The following MTMR11 variants were observed in gnomAD, a reference collection of about 807,000 sequenced individuals.
The protein encoded by MTMR11 is myotubularin related protein 11.
MTMR11 carries 89 observed loss-of-function variants against 100.0 expected under a neutral mutation model. The ratio of observed to expected loss-of-function variants is 0.89; its 90% CI spans 0.75 to 1.06. MTMR11 has a LOEUF of 1.06. MTMR11 is among the 50% of genes least tolerant of loss of function. The pLI is 0.00. For missense variants in MTMR11, 809 were observed against 873.7 expected, an observed-to-expected ratio of 0.93 and a Z score of 0.93; for synonymous variants, 336 against 326.3, an observed-to-expected ratio of 1.03 and a Z score of -0.32.
Position 149,928,985 on chromosome 1 carries a change from G to A in MTMR11, c.*144C>T. ...AAGCAAAAATATTTGTAGAAACTAA[G>A]CAAGACAAGAGTTGGAGCAGTTAAC... On this transcript the variant is annotated 3_prime_UTR_variant, in exon 17 of 17. Coordinates refer to ENST00000439741, the MANE Select transcript of MTMR11 (RefSeq NM_001145862.2). 2 of 1,610,452 alleles carry A rather than the reference G, an allele frequency of 1.2e-6. No homozygotes were observed. Among genetic ancestry groups the A allele is most frequent in the Non-Finnish European group, 1.7e-6 (2 of 1,178,238 alleles).
chr1:149,933,265 T>C (rs1040535052), intron 10 of MTMR11, 141 bp downstream of exon 10: 1 of 1,264,262 alleles, frequency 7.9e-7, no homozygotes, highest in Non-Finnish European at 1.1e-6. Flanking sequence ...CGAGACTCCG[T>C]CTCAAGAAAA....
In MTMR11 at chr1:149,928,654, G is replaced by A. The variant is rs2092612555; in HGVS notation, c.*475C>T. The stretch of plus-strand genomic sequence containing the variant: ...ACACAAGAAACAATGCCAGCAATGT[G>A]TATAAATACTATGCTTTAATGAGCC... On this transcript the variant is annotated 3_prime_UTR_variant, in exon 17 of 17. Transcript: ENST00000439741. 2 of 590,914 alleles carry A rather than the reference G, an allele frequency of 3.4e-6. No individual in the cohort carries two copies. Among genetic ancestry groups the A allele is most frequent in the African/African-American group, 3.7e-5 (2 of 53,806 alleles). 36.6% of individuals were successfully genotyped at this position (590,914 alleles called of 1,614,324 possible). A position where few individuals can be genotyped will look rare whatever the true frequency, so the allele number is the denominator to read the frequency against.
In MTMR11 at chr1:149,930,480, A is replaced by G. The variant is rs1553767281; in HGVS notation, c.1532T>C (p.Leu511Pro). Residue 511 changes from leucine to proline, a missense_variant, in exon 15 of 17, where the codon CTG becomes CCG. Coordinates refer to ENST00000439741, the MANE Select transcript of MTMR11 (RefSeq NM_001145862.2). ...SQPPAGNSFN[L>P]QLSVWDWDLR... Reference sequence around the variant, plus strand: ...ATCCCAGTCCCAGACAGACAGCTGCAGGTTAAAAGAGTTCCCAGCTGGAGG... The same window carrying G: ...ATCCCAGTCCCAGACAGACAGCTGCGGGTTAAAAGAGTTCCCAGCTGGAGG... 1 of 1,614,110 alleles carries G rather than the reference A, an allele frequency of 6.2e-7. No individual in the cohort carries two copies. The highest frequency in any genetic ancestry group is 1.1e-5 in the South Asian group (1 of 91,076).
At chr1:149,935,762 G>A (rs1402832155) in intron 2 of MTMR11, 57 bp from the exon 3 acceptor site, 6 of 1,512,642 alleles carry the variant, frequency 4.0e-6, no homozygotes, top group Admixed American at 2.1e-5. Context: ...CCCACACTTG[G>A]ATACACCCAC....
chr1:149,929,555 G>C lies in MTMR11; in HGVS notation c.1941+68C>G, dbSNP rs1553766908. On this transcript the variant is annotated intron_variant, in intron 16 of 16. Coordinates refer to ENST00000439741, the MANE Select transcript of MTMR11 (RefSeq NM_001145862.2). ...GAGGCTTCAGCTCCTTGCCTTTCCAGCTCCTGTTCATCTGGTTCAGCAGAG... is the reference window on the plus strand; with the variant it reads ...GAGGCTTCAGCTCCTTGCCTTTCCACCTCCTGTTCATCTGGTTCAGCAGAG... 3 of 1,517,788 alleles carry C rather than the reference G, an allele frequency of 2.0e-6. No homozygotes were observed. The African/African-American group carries it at 4.2e-5, about 21-fold the overall frequency. The allele number at this position is 1,517,788 out of a possible 1,614,324, so 94.0% of individuals were successfully genotyped here. A position where few individuals can be genotyped will look rare whatever the true frequency, so the allele number is the denominator to read the frequency against.
Position 149,936,721 on chromosome 1 carries a change from G to A in MTMR11, c.-74C>T, listed in dbSNP as rs3738321. ...AGGATGCTCACCCACCTCGGGGAGA[G>A]GCTGAGTCTTGTTGAGAAGAGGGGT... On this transcript the variant is annotated 5_prime_UTR_variant, in exon 1 of 17. Coordinates refer to ENST00000439741, the MANE Select transcript of MTMR11 (RefSeq NM_001145862.2). 5.1e-3 allele frequency: 5,158 copies of A among 1,012,144 alleles called. 209 individuals are homozygous for A. The Admixed American group carries it at 0.083, about 16-fold the overall frequency. 62.7% of individuals were successfully genotyped at this position (1,012,144 alleles called of 1,614,324 possible).
chr1:149,934,121 A>G lies in MTMR11; in HGVS notation c.683+70T>C. On this transcript the variant is annotated intron_variant, in intron 7 of 16. Transcript: ENST00000439741. The stretch of plus-strand genomic sequence containing the variant: ...GAGGCTGGAGTTTGTGGGAAGTCCT[A>G]GCTTTAGAGGATCAAGGAACTAAGG... 2.5e-6 allele frequency: 4 copies of G among 1,603,884 alleles called. No individual in the cohort carries two copies. The South Asian group carries it at 4.4e-5, about 18-fold the overall frequency.
At chr1:149,929,963 CTA>C in intron 15 of MTMR11, 47 bp from the exon 16 acceptor site, 2 of 1,562,502 alleles carry the variant, frequency 1.3e-6, no homozygotes, top group South Asian at 2.4e-5. Context: ...CCAGATAACC[CTA>C]GTTTCCCCAA....
rs1464236709 is a variant in MTMR11, at chr1:149,929,009, A to C, written c.*120T>G. The C allele has an allele frequency of 6.2e-7, 1 of 1,606,262 alleles. No homozygotes were observed. Among genetic ancestry groups the C allele is most frequent in the African/African-American group, 1.3e-5 (1 of 74,600 alleles). On this transcript the variant is annotated 3_prime_UTR_variant, in exon 17 of 17. Coordinates refer to ENST00000439741, the MANE Select transcript of MTMR11 (RefSeq NM_001145862.2). ...AGCAAGACAAGAGTTGGAGCAGTTA[A>C]CACCACTATCTGCAGCAGAAACTCA...
chr1:149,931,842 G>T, intron 12 of MTMR11, 102 bp downstream of exon 12: 1 of 1,031,610 alleles, frequency 9.7e-7, no homozygotes, highest in South Asian at 1.4e-5. Context: ...CCCAGGAACA[G>T]GAGAGGAAGA....
chr1:149,929,093 CAAA>C lies in MTMR11; in HGVS notation c.*33_*35del, dbSNP rs78362386. The C allele has an allele frequency of 4.9e-4, 693 of 1,418,470 alleles. No individual in the cohort carries two copies. Among genetic ancestry groups the C allele is most frequent in the South Asian group, 1.8e-3 (129 of 71,478 alleles). 87.9% of individuals were successfully genotyped at this position (1,418,470 alleles called of 1,614,324 possible). On this transcript the variant is annotated 3_prime_UTR_variant, in exon 17 of 17. Transcript: ENST00000439741. ...AAAGCTGAGGCTGCAAGTGCAGATACAAAAAAAAAAAAAAAAGATTAGACAGAA... is the reference window on the plus strand; with the variant it reads ...AAAGCTGAGGCTGCAAGTGCAGATACAAAAAAAAAAAAAGATTAGACAGAA...
intron 1 of MTMR11, 130 bp downstream of exon 1, chr1:149,936,452 C>T: frequency 2.2e-6 from 3 of 1,363,448 alleles, no homozygotes; most frequent in Non-Finnish European, 3.0e-6. Context: ...GGACCAGGCT[C>T]CATCAGCAGA....
At chr1:149,933,793 AC>A (rs1409998174) in intron 8 of MTMR11, 61 bp downstream of exon 8, 3 of 1,606,798 alleles carry the variant, frequency 1.9e-6, no homozygotes, top group Non-Finnish European at 2.6e-6. Context: ...TCCTCCCTCC[AC>A]GATGTCCCTG....
rs1553767398 is a variant in MTMR11, at chr1:149,930,858, G to C, written c.1398C>G (p.Val466=). Residue 466 remains valine (V), a synonymous_variant, in exon 14 of 17, where the codon GTC becomes GTG. Coordinates refer to ENST00000439741, the MANE Select transcript of MTMR11 (RefSeq NM_001145862.2). ...GGAAGGTAAGGGTGTCAGGAACCCT[G>C]ACACTGTCATGAAGAGCAAGAAGGA... ...EFFLLALHDS[V]RVPDTLTFLR... is the part of the protein sequence containing the mutation. 1 of 1,612,658 alleles carries C rather than the reference G, an allele frequency of 6.2e-7. No homozygotes were observed. The highest frequency in any genetic ancestry group is 1.7e-5 in the Admixed American group (1 of 59,694).
rs1446653100 is a variant in MTMR11, at chr1:149,933,649, C to T, written c.821G>A (p.Gly274Asp). 6.2e-7 allele frequency: 1 copy of T among 1,614,204 alleles called. No homozygotes were observed. The highest frequency in any genetic ancestry group is 8.5e-7 in the Non-Finnish European group (1 of 1,180,036). ...PGGSDLLRCG[G>D]FYTASDPNKE... ...GTTAGGGTCACTGGCTGTATAGAAG[C>T]CTCCACAGCGGAGAAGATCACTGCC... The change falls in exon 9 of 17, where the codon GGC becomes GAC. Residue 274 changes from glycine to aspartate, a missense_variant. Transcript: ENST00000439741.
In MTMR11 at chr1:149,935,828, C is replaced by A. The variant is rs1208713779; in HGVS notation, c.143-123G>T. 6.6e-6 allele frequency: 8 copies of A among 1,204,098 alleles called. No homozygotes were observed. The African/African-American group carries it at 7.7e-5, about 12-fold the overall frequency. 74.6% of individuals were successfully genotyped at this position (1,204,098 alleles called of 1,614,324 possible). A position where few individuals can be genotyped will look rare whatever the true frequency, so the allele number is the denominator to read the frequency against. On this transcript the variant is annotated intron_variant, in intron 2 of 16. Transcript: ENST00000439741. Reference sequence around the variant, plus strand: ...AGATTAAAATCCTCCCCAAAGCCCACTACAATGTAAGCTTATGAGGAAAGA... The same window carrying A: ...AGATTAAAATCCTCCCCAAAGCCCAATACAATGTAAGCTTATGAGGAAAGA...
In MTMR11 at chr1:149,929,131, A is replaced by AC. The variant is rs781988783; in HGVS notation, c.2127dup (p.Ter710ValfsTer7). Reference sequence around the variant, plus strand: ...AAAAGATTAGACAGAACCCTCCTCTACCCCAGATCCCCCTCTGCCCTGCCT... The same window carrying AC: ...AAAAGATTAGACAGAACCCTCCTCTACCCCCAGATCCCCCTCTGCCCTGCCT... On this transcript the variant is annotated frameshift_variant, in exon 17 of 17. Transcript: ENST00000439741. LOFTEE classifies it high-confidence loss of function. 1 of 1,608,706 alleles carries AC rather than the reference A, an allele frequency of 6.2e-7. No individual in the cohort carries two copies. Among genetic ancestry groups the AC allele is most frequent in the South Asian group, 1.1e-5 (1 of 90,566 alleles).
Position 149,933,956 on chromosome 1 carries a change from G to C in MTMR11, c.684-14C>G, listed in dbSNP as rs1553768334. On this transcript the variant is annotated splice_polypyrimidine_tract_variant and intron_variant, in intron 7 of 16. Transcript: ENST00000439741. ...TAACGGGGGAGGCTGTGAAATGAGA[G>C]TGATATTACAGTTTGGCTCAGTGAC... 3.7e-6 allele frequency: 6 copies of C among 1,609,090 alleles called. No individual in the cohort carries two copies. Among genetic ancestry groups the C allele is most frequent in the Non-Finnish European group, 5.1e-6 (6 of 1,175,350 alleles).
chr1:149,933,922 A>G lies in MTMR11; in HGVS notation c.704T>C (p.Val235Ala). ...CTCACTGTCCAGAATTCGGTTAGGG[A>G]CCCAGAAGTAACGGGGGAGGCTGTG... Reference protein sequence around the residue: ...VATSLPRYFWVPNRILDSEVR... With the variant: ...VATSLPRYFWAPNRILDSEVR... The change falls in exon 8 of 17, where the codon GTC (valine) becomes GCC (alanine). Residue 235 changes from valine to alanine, a missense_variant. Physicochemically the swap from Val to Ala is moderately conservative, Grantham distance 64. Transcript: ENST00000439741. 1 of 1,614,134 alleles carries G rather than the reference A, an allele frequency of 6.2e-7. No individual in the cohort carries two copies. The highest frequency in any genetic ancestry group is 8.5e-7 in the Non-Finnish European group (1 of 1,179,958).
Sources: gnomAD v4.1 joint callset for allele counts on GRCh38, gnomAD v4.1.1 for gene constraint, MANE v1.5 for transcripts, NCBI Gene and HGNC (gene_info 2026-07-23, HGNC 2026-07-21) for gene names.